The following FOXP2 variants were observed in gnomAD, a reference collection of about 807,000 sequenced individuals.
FOXP2 encodes forkhead box P2.
Under a neutral mutation model 115.8 loss-of-function variants are expected in FOXP2, and 12 were observed. The ratio of observed to expected loss-of-function variants is 0.10; its 90% CI spans 0.07 to 0.17. FOXP2 has a LOEUF of 0.17. FOXP2 is among the 10% of genes least tolerant of loss of function. FOXP2 has a pLI of 1.00. For synonymous variants in FOXP2, 328 were observed against 297.7 expected (o/e 1.10, Z -1.05); for missense variants, 629 against 843.5 (o/e 0.75, Z 3.15).
intron 2 of FOXP2, among the ~76,000 whole-genome samples, chr7:114,404,796 T>C (rs1242693400): frequency 6.6e-6 from 1 of 152,044 alleles, no homozygotes; most frequent in African/African-American, 2.4e-5. Context: ...CTTTTATTCT[T>C]CTGTTATTCA....
chr7:114,234,794 C>CT lies in FOXP2; in HGVS notation c.-101-53219dup, dbSNP rs1305677847. On this transcript the variant is annotated intron_variant, in intron 1 of 17. Coordinates refer to the FOXP2 transcript ENST00000634411. Reference sequence around the variant, plus strand: ...CTGCATTTTCCATGGTCATATTGATCTTTTTTCAGCTCCTTGACCTCTTTT... The same window carrying CT: ...CTGCATTTTCCATGGTCATATTGATCTTTTTTTCAGCTCCTTGACCTCTTTT... 3.3e-5 allele frequency among the ~76,000 whole-genome samples: 5 copies of CT among 152,246 alleles called. No individual in the cohort carries two copies. In the South Asian group the frequency reaches 6.2e-4, roughly 19 times the overall value.
chr7:114,352,466 T>G (rs1791517039), intron 2 of FOXP2, among the ~76,000 whole-genome samples: 1 of 152,182 alleles, frequency 6.6e-6, no homozygotes, highest in Non-Finnish European at 1.5e-5. Flanking sequence ...ATAAATATAC[T>G]AGGACTGCTG....
chr7:114,516,566 A>G (rs192013748), intron 2 of FOXP2, among the ~76,000 whole-genome samples: 136 of 152,090 alleles, frequency 8.9e-4, no homozygotes, highest in African/African-American at 2.9e-3. Context: ...TCTATTTTTA[A>G]TTTTTTGAGA....
intron 2 of FOXP2, among the ~76,000 whole-genome samples, chr7:114,474,416 C>A (rs1039154299): frequency 1.3e-5 from 2 of 152,168 alleles, no homozygotes; most frequent in African/African-American, 4.8e-5. Context: ...AACTTTCCTA[C>A]AGCCTAGTAT....
At chr7:114,220,702 C>G (rs1225063511) in intron 1 of FOXP2, among the ~76,000 whole-genome samples, 2 of 152,026 alleles carry the variant, frequency 1.3e-5, no homozygotes, top group East Asian at 3.9e-4. Context: ...ATTTTTTAGT[C>G]AAAGAAACAC....
chr7:114,386,069 G>T (rs192296596), intron 2 of FOXP2, among the ~76,000 whole-genome samples: 5 of 152,346 alleles, frequency 3.3e-5, no homozygotes, highest in Non-Finnish European at 5.9e-5. Flanking sequence ...TAGCATGATC[G>T]GGAGTGGCAA....
At chr7:114,161,794 T>C (rs1792843784), upstream of FOXP2, among the ~76,000 whole-genome samples, 1 of 152,266 alleles carries the variant, frequency 6.6e-6, no homozygotes, top group South Asian at 2.1e-4. Flanking sequence ...ATCTTTTTTT[T>C]GAGACAGGGT....
intron 2 of FOXP2, among the ~76,000 whole-genome samples, chr7:114,312,479 A>G (rs1439680206): frequency 1.3e-5 from 2 of 152,108 alleles, no homozygotes; most frequent in Admixed American, 1.3e-4. Flanking sequence ...TGACCCAGAG[A>G]ACCCTTTTCC....
At chr7:114,190,562 G>A (rs1211618019) in intron 1 of FOXP2, among the ~76,000 whole-genome samples, 1 of 152,140 alleles carries the variant, frequency 6.6e-6, no homozygotes. Flanking sequence ...AAAACCATGG[G>A]ACTTCTTAGC....
chr7:114,193,164 A>G (rs1353025561), intron 1 of FOXP2, among the ~76,000 whole-genome samples: 13 of 152,106 alleles, frequency 8.5e-5, no homozygotes, highest in Admixed American at 8.5e-4. Context: ...TTAATACTGT[A>G]ACGTAATTTG....
intron 2 of FOXP2, among the ~76,000 whole-genome samples, chr7:114,337,631 A>G (rs1304622776): frequency 1.3e-5 from 2 of 151,216 alleles, no homozygotes; most frequent in African/African-American, 4.8e-5. Context: ...AGACTGGGGT[A>G]AATGGTTTAC....
At chr7:114,307,503 A>T (rs1797043142) in intron 2 of FOXP2, among the ~76,000 whole-genome samples, 1 of 152,154 alleles carries the variant, frequency 6.6e-6, no homozygotes, top group Admixed American at 6.5e-5. Context: ...CCCCACATAT[A>T]TGCATTCTGT....
rs1808610142 is a variant in FOXP2, at chr7:114,690,491, T to G, written c.*565T>G. ...AACAACAGAACATTAGTTTTTTATGTTGGTGCCACCAACTGTAAATGACAT... is the reference window on the plus strand; with the variant it reads ...AACAACAGAACATTAGTTTTTTATGGTGGTGCCACCAACTGTAAATGACAT... On this transcript the variant is annotated 3_prime_UTR_variant, in exon 17 of 17. Transcript: ENST00000350908. 1 of 453,908 alleles carries G rather than the reference T, an allele frequency of 2.2e-6. No individual in the cohort carries two copies. Among genetic ancestry groups the G allele is most frequent in the Admixed American group, 2.4e-5 (1 of 42,520 alleles). The allele number at this position is 453,908 out of a possible 1,614,324, so 28.1% of individuals were successfully genotyped here. A position where few individuals can be genotyped will look rare whatever the true frequency, so the allele number is the denominator to read the frequency against.
intron 16 of FOXP2, among the ~76,000 whole-genome samples, chr7:114,676,338 C>G (rs1215775078): frequency 6.6e-6 from 1 of 152,030 alleles, no homozygotes; most frequent in Non-Finnish European, 1.5e-5. Context: ...AGGATTTGAA[C>G]AAGTCTATAT....
At chr7:114,522,216 G>A (rs1038217170) in intron 2 of FOXP2, among the ~76,000 whole-genome samples, 1 of 152,110 alleles carries the variant, frequency 6.6e-6, no homozygotes, top group African/African-American at 2.4e-5. Flanking sequence ...GCAAAATGAA[G>A]GGGTTTGCTT....
chr7:114,244,064 TTTTCTA>T (rs1488088387), intron 1 of FOXP2, among the ~76,000 whole-genome samples: 1 of 152,158 alleles, frequency 6.6e-6, no homozygotes, highest in Non-Finnish European at 1.5e-5. Flanking sequence ...AGCCATGATG[TTTTCTA>T]TTTCTAAGAA....
At chr7:114,591,360 T>A (rs1297354084) in intron 3 of FOXP2, among the ~76,000 whole-genome samples, 1 of 152,118 alleles carries the variant, frequency 6.6e-6, no homozygotes, top group Non-Finnish European at 1.5e-5. Flanking sequence ...ACAAAATATT[T>A]TTGGAGATTG....
In FOXP2 at chr7:114,691,752, G is replaced by T. The variant is rs771404418; in HGVS notation, c.*1826G>T. On this transcript the variant is annotated 3_prime_UTR_variant, in exon 17 of 17. Transcript: ENST00000350908. ...CTGCTAGAGCTTAACATACGTTCCCGTTCCATGTGATGGAACCGGTTCTTG... is the reference window on the plus strand; with the variant it reads ...CTGCTAGAGCTTAACATACGTTCCCTTTCCATGTGATGGAACCGGTTCTTG... 4.4e-6 allele frequency: 2 copies of T among 453,672 alleles called. No individual in the cohort carries two copies. Among genetic ancestry groups the T allele is most frequent in the African/African-American group, 2.0e-5 (1 of 49,952 alleles). The allele number at this position is 453,672 out of a possible 1,614,324, so 28.1% of individuals were successfully genotyped here.
intron 2 of FOXP2, among the ~76,000 whole-genome samples, chr7:114,374,892 T>C (rs80298534): frequency 0.078 from 11,821 of 152,156 alleles, 492 homozygotes; most frequent in Middle Eastern, 0.15. Context: ...TAGAAGTTCA[T>C]TGGGATTGGG....
Sources: allele counts gnomAD v4.1 joint callset (sites outside exome capture counted in the v4.1 genomes callset), GRCh38; gene constraint gnomAD v4.1.1; transcripts MANE v1.5; gene names NCBI Gene and HGNC (gene_info 2026-07-23, HGNC 2026-07-21).